EPHA3: variants seen among roughly 807,000 people sequenced by gnomAD.
EPHA3 encodes EPH receptor A3, also known as ephrin type-A receptor 3.
Under a neutral mutation model 107.1 loss-of-function variants are expected in EPHA3, and 42 were observed. The ratio of observed to expected loss-of-function variants is 0.39; its 90% confidence interval spans 0.31 to 0.51. The LOEUF (loss-of-function observed/expected upper bound fraction) is 0.51. EPHA3 is among the 20% of genes least tolerant of loss of function. The probability of loss-of-function intolerance (pLI) is 0.78; values close to 1 mark genes in which losing one functional copy is unlikely to be tolerated. For missense variants in EPHA3, 1,183 were observed against 1,211.2 expected (o/e 0.98, Z 0.35); for synonymous variants, 461 against 424.8 (o/e 1.09, Z -1.05).
At chr3:89,267,516 C>T (rs1236272046) in intron 3 of EPHA3, among the ~76,000 whole-genome samples, 1 of 152,136 alleles carries the variant, frequency 6.6e-6, no homozygotes, top group African/African-American at 2.4e-5. Flanking sequence ...ACAGCCCTGC[C>T]ATTCCCCCTG....
chr3:89,221,074 A>C (rs1576241998), intron 3 of EPHA3, among the ~76,000 whole-genome samples: 1 of 152,228 alleles, frequency 6.6e-6, no homozygotes, highest in Admixed American at 6.5e-5. Context: ...GGAATTTGAA[A>C]GTGGAACAGA....
intron 5 of EPHA3, among the ~76,000 whole-genome samples, chr3:89,377,321 G>A (rs574260059): frequency 6.6e-6 from 1 of 152,140 alleles, no homozygotes; most frequent in East Asian, 1.9e-4. Flanking sequence ...CATTTCATAT[G>A]TACCCATTTG....
chr3:89,179,032 T>C (rs1402657617), intron 2 of EPHA3, among the ~76,000 whole-genome samples: 1 of 151,948 alleles, frequency 6.6e-6, no homozygotes, highest in African/African-American at 2.4e-5. Flanking sequence ...ACTATATCGC[T>C]TATATTTTAT....
chr3:89,252,628 G>A (rs1348160625), intron 3 of EPHA3, among the ~76,000 whole-genome samples: 2 of 151,904 alleles, frequency 1.3e-5, no homozygotes, highest in Admixed American at 6.6e-5. Context: ...TACTGTGGAG[G>A]TTGAGGTGGG....
chr3:89,171,146 G>A (rs1261948022), intron 2 of EPHA3, among the ~76,000 whole-genome samples: 1 of 152,008 alleles, frequency 6.6e-6, no homozygotes, highest in Non-Finnish European at 1.5e-5. Context: ...AAAACTATAT[G>A]AAGAAAGAAG....
intron 2 of EPHA3, among the ~76,000 whole-genome samples, chr3:89,191,610 C>A (rs1388008625): frequency 6.6e-6 from 1 of 152,082 alleles, no homozygotes; most frequent in Admixed American, 6.5e-5. Context: ...AAGAATATAT[C>A]TTGTAACAAT....
intron 15 of EPHA3, among the ~76,000 whole-genome samples, chr3:89,456,333 G>A (rs1368419330): frequency 2.0e-5 from 3 of 152,264 alleles, no homozygotes; most frequent in Middle Eastern, 6.8e-3. Context: ...GCATAGAACT[G>A]TGTTTATACA....
chr3:89,429,260 T>A, intron 12 of EPHA3, 93 bp downstream of exon 12: 1 of 963,870 alleles, frequency 1.0e-6, no homozygotes, highest in Non-Finnish European at 1.5e-6. Flanking sequence ...TTCAGTAATC[T>A]AAGTTTAAAG....
intron 3 of EPHA3, among the ~76,000 whole-genome samples, chr3:89,295,512 G>A (rs1706326154): frequency 6.6e-6 from 1 of 152,106 alleles, no homozygotes; most frequent in Non-Finnish European, 1.5e-5. Context: ...TCAAAATTGT[G>A]GTGAATTCTC....
chr3:89,134,873 C>A (rs1463370124), intron 2 of EPHA3, among the ~76,000 whole-genome samples: 4 of 152,166 alleles, frequency 2.6e-5, no homozygotes, highest in East Asian at 1.9e-4. Context: ...TGTCTAACAT[C>A]ATTTCCATCG....
chr3:89,164,937 A>G (rs1011169991), intron 2 of EPHA3, among the ~76,000 whole-genome samples: 1 of 152,202 alleles, frequency 6.6e-6, no homozygotes, highest in African/African-American at 2.4e-5. Context: ...CTACTCAAAC[A>G]AACAAACAAA....
chr3:89,378,431 GC>G (rs1305830468), intron 5 of EPHA3, among the ~76,000 whole-genome samples: 4 of 151,982 alleles, frequency 2.6e-5, no homozygotes, highest in Admixed American at 6.6e-5. Context: ...ACTCATCATT[GC>G]ATTTTTAACT....
chr3:89,208,601 GGAAGGAAA>G (rs1191395668), intron 2 of EPHA3, among the ~76,000 whole-genome samples: 2 of 97,446 alleles, frequency 2.1e-5, no homozygotes, highest in African/African-American at 2.8e-5. Flanking sequence ...AGGGAAGGAA[GGAAGGAAA>G]GAAGGAAGGA....
rs113782478 is a variant in EPHA3, at chr3:89,421,023, A to T, written c.2074+1633A>T. ...ATAACTAGAAAATGCTAGAGGTAGCACTGGGAACTTGTTCTGTTCATTTCA... is the reference window on the plus strand; with the variant it reads ...ATAACTAGAAAATGCTAGAGGTAGCTCTGGGAACTTGTTCTGTTCATTTCA... On this transcript the variant is annotated intron_variant, in intron 11 of 16. Transcript: ENST00000336596. Among the ~76,000 whole-genome samples, 630 of 151,540 alleles carry T rather than the reference A, an allele frequency of 4.2e-3. 6 individuals carry two copies. Among genetic ancestry groups the T allele is most frequent in the African/African-American group, 0.015 (612 of 41,482 alleles).
At chr3:89,133,872 G>T (rs963821519) in intron 2 of EPHA3, among the ~76,000 whole-genome samples, 1 of 152,020 alleles carries the variant, frequency 6.6e-6, no homozygotes, top group Non-Finnish European at 1.5e-5. Context: ...ATGCAAGTTT[G>T]GCTTTGGGAA....
intron 15 of EPHA3, among the ~76,000 whole-genome samples, chr3:89,471,606 C>T (rs182893267): frequency 0.015 from 2,210 of 152,118 alleles, 56 homozygotes; most frequent in Admixed American, 0.048. Flanking sequence ...TCAGGTGACC[C>T]GCCGGCCTCA....
At position 89,431,155 on chromosome 3, in the gene EPHA3, C is replaced by T. The variant is rs1407327450; in HGVS notation, c.2142C>T (p.His714=). Residue 714 remains histidine, a synonymous_variant, in exon 13 of 17, where the codon CAC becomes CAT. Transcript: ENST00000336596. ...NGSLDSFLRK[H]DAQFTVIQLV... is the part of the protein sequence containing the mutation. ...ACATTTGAAATGCTTCCCAGAAACACGATGCCCAGTTTACTGTCATTCAGC... is the reference window on the plus strand; with the variant it reads ...ACATTTGAAATGCTTCCCAGAAACATGATGCCCAGTTTACTGTCATTCAGC... The T allele has an allele frequency of 1.2e-6, 2 of 1,613,034 alleles. No individual in the cohort carries two copies. Among genetic ancestry groups the T allele is most frequent in the East Asian group, 2.2e-5 (1 of 44,838 alleles).
At chr3:89,273,081 A>T (rs928911464) in intron 3 of EPHA3, among the ~76,000 whole-genome samples, 1 of 151,918 alleles carries the variant, frequency 6.6e-6, no homozygotes, top group African/African-American at 2.4e-5. Context: ...TGGGAAGATA[A>T]ATTTTCAACA....
At chr3:89,234,681 C>T (rs961074278) in intron 3 of EPHA3, among the ~76,000 whole-genome samples, 1 of 151,800 alleles carries the variant, frequency 6.6e-6, no homozygotes, top group African/African-American at 2.4e-5. Flanking sequence ...TTCCTTTCCT[C>T]CTTTCCTCCT....
Sources: allele counts gnomAD v4.1 joint callset (sites outside exome capture counted in the v4.1 genomes callset), GRCh38; gene constraint gnomAD v4.1.1; transcripts MANE v1.5; gene names NCBI Gene and HGNC (gene_info 2026-07-23, HGNC 2026-07-21).